Variants in MTAP observed in about 807,000 individuals in gnomAD.
MTAP encodes the protein methylthioadenosine phosphorylase.
MTAP carries 33 observed loss-of-function variants against 33.6 expected under a neutral mutation model. The ratio of observed to expected loss-of-function variants is 0.98; its 90% CI spans 0.74 to 1.31. The LOEUF (loss-of-function observed/expected upper bound fraction) is 1.31. Ranked by LOEUF, MTAP falls within the 40% of genes most tolerant of loss-of-function variation. The probability of loss-of-function intolerance (pLI) is 0.00; values close to 1 mark genes in which losing one functional copy is unlikely to be tolerated. For missense variants in MTAP, 367 were observed against 360.0 expected, an observed-to-expected ratio of 1.02 and a Z score of -0.16; for synonymous variants, 148 against 125.7, an observed-to-expected ratio of 1.18 and a Z score of -1.19.
intron 1 of MTAP, among the ~76,000 whole-genome samples, chr9:21,814,715 T>C (rs1326699739): frequency 6.6e-6 from 1 of 152,242 alleles, no homozygotes; most frequent in African/African-American, 2.4e-5. Flanking sequence ...AAAAAACTTA[T>C]AACTACCTTT....
chr9:21,940,530 A>T (rs1464217945), downstream of MTAP, among the ~76,000 whole-genome samples: 2 of 152,178 alleles, frequency 1.3e-5, no homozygotes, highest in African/African-American at 4.8e-5. Context: ...CCTGAATTCT[A>T]ATTTCCTCCA....
intron 1 of MTAP, among the ~76,000 whole-genome samples, chr9:21,909,458 A>G (rs1266977626): frequency 1.3e-5 from 2 of 152,176 alleles, no homozygotes; most frequent in Non-Finnish European, 2.9e-5. Context: ...GCTGTTCAGT[A>G]TAGAGCTTGG....
At chr9:21,882,691 A>G (rs571327185) in intron 1 of MTAP, among the ~76,000 whole-genome samples, 2 of 152,208 alleles carry the variant, frequency 1.3e-5, no homozygotes, top group South Asian at 2.1e-4. Context: ...CATTCTTTCA[A>G]GAACACATGG....
chr9:21,930,709 G>T, intron 1 of MTAP: 1 of 613,774 alleles, frequency 1.6e-6, no homozygotes. Flanking sequence ...AACTGTCAAG[G>T]ACTAGATATG....
In MTAP at chr9:21,865,677, T is replaced by C. The variant is rs1018488176; in HGVS notation, c.*3663T>C. 13 of 1,014,140 alleles carry C rather than the reference T, an allele frequency of 1.3e-5. No individual in the cohort carries two copies. Among genetic ancestry groups the C allele is most frequent in the South Asian group, 1.3e-4 (3 of 23,970 alleles). 62.8% of individuals were successfully genotyped at this position (1,014,140 alleles called of 1,614,324 possible). Reference sequence around the variant, plus strand: ...GATCGAGGAAATCTACCAAGACTAGTAGGGTAGTCCAGAAGAAGCTGTTTC... The same window carrying C: ...GATCGAGGAAATCTACCAAGACTAGCAGGGTAGTCCAGAAGAAGCTGTTTC... On this transcript the variant is annotated 3_prime_UTR_variant, in exon 8 of 8. Coordinates refer to ENST00000644715, the MANE Select transcript of MTAP (RefSeq NM_002451.4).
At chr9:21,867,943 G>C (rs1825879909), downstream of MTAP, among the ~76,000 whole-genome samples, 1 of 152,122 alleles carries the variant, frequency 6.6e-6, no homozygotes, top group Admixed American at 6.5e-5. Flanking sequence ...TTGTCAAAAA[G>C]AATAGATATC....
chr9:21,919,037 G>A (rs1818741628), intron 1 of MTAP, among the ~76,000 whole-genome samples: 1 of 152,078 alleles, frequency 6.6e-6, no homozygotes, highest in Admixed American at 6.5e-5. Flanking sequence ...CTATTGATAG[G>A]AAAAAGTGAG....
Position 21,864,926 on chromosome 9 carries a change from G to C in MTAP, c.*2912G>C, listed in dbSNP as rs775831366. 6.6e-5 allele frequency: 65 copies of C among 985,368 alleles called. No individual in the cohort carries two copies. The highest frequency in any genetic ancestry group is 7.5e-5 in the Non-Finnish European group (62 of 829,964). 61.0% of individuals were successfully genotyped at this position (985,368 alleles called of 1,614,324 possible). A position where few individuals can be genotyped will look rare whatever the true frequency, so the allele number is the denominator to read the frequency against. ...CAAATAATTATTCATTCTTGTGACA[G>C]TGGCCTGAACATGTTTTTAATTTTC... On this transcript the variant is annotated 3_prime_UTR_variant, in exon 8 of 8. Coordinates refer to ENST00000644715, the MANE Select transcript of MTAP (RefSeq NM_002451.4).
chr9:21,915,050 TCC>T (rs1563869483), intron 1 of MTAP, among the ~76,000 whole-genome samples: 1,238 of 103,806 alleles, frequency 0.012, 18 homozygotes, highest in Non-Finnish European at 0.016. Flanking sequence ...CTTCCTTCCT[TCC>T]TTCCTTTCTT....
At chr9:21,868,842 G>T (rs1825893997), downstream of MTAP, among the ~76,000 whole-genome samples, 1 of 152,146 alleles carries the variant, frequency 6.6e-6, no homozygotes, top group African/African-American at 2.4e-5. Context: ...ATCACCTGGA[G>T]GGCTTATTAA....
chr9:21,878,915 A>C (rs1202067231), intron 1 of MTAP, among the ~76,000 whole-genome samples: 5 of 152,176 alleles, frequency 3.3e-5, no homozygotes, highest in African/African-American at 1.2e-4. Flanking sequence ...CTATAGTCCT[A>C]GAGTATGTTT....
rs10965168 is a variant in MTAP at position 21,865,960 on chromosome 9, A to C, written c.*3946A>C. ...GAGGAATTTTATGAATAAAGCTGCT[A>C]TAAGCATGAAATTACAAGTCTTTTT... On this transcript the variant is annotated 3_prime_UTR_variant, in exon 8 of 8. Transcript: ENST00000644715. The C allele has an allele frequency of 0.21, 47,934 of 229,234 alleles. 5,511 individuals carry two copies. The highest frequency in any genetic ancestry group is 0.36 in the Admixed American group (5,478 of 15,362). 14.2% of individuals were successfully genotyped at this position (229,234 alleles called of 1,614,324 possible).
intron 1 of MTAP, chr9:21,930,919 G>A: frequency 1.5e-6 from 1 of 646,662 alleles, no homozygotes; most frequent in Non-Finnish European, 2.8e-6. Flanking sequence ...CCCTTTTTAG[G>A]CCCACATGTT....
At chr9:21,836,050 C>A (rs2118298337) in intron 4 of MTAP, among the ~76,000 whole-genome samples, 1 of 152,208 alleles carries the variant, frequency 6.6e-6, no homozygotes, top group South Asian at 2.1e-4. Context: ...TGTTGTGAGG[C>A]CCCATCTGGT....
intron 4 of MTAP, among the ~76,000 whole-genome samples, chr9:21,826,136 A>T (rs1229507322): frequency 6.6e-6 from 1 of 151,810 alleles, no homozygotes; most frequent in East Asian, 1.9e-4. Flanking sequence ...ACAAAAGAAT[A>T]ATAATCAGGG....
At chr9:21,873,603 CA>C (rs1306860483) in intron 1 of MTAP, among the ~76,000 whole-genome samples, 171 of 92,732 alleles carry the variant, frequency 1.8e-3, no homozygotes, top group African/African-American at 7.7e-3. Context: ...CTTGGACTTC[CA>C]CCCCCGCCCC....
At chr9:21,929,606 C>T in intron 1 of MTAP, 1 of 337,704 alleles carries the variant, frequency 3.0e-6, no homozygotes, top group Admixed American at 2.6e-5. Context: ...AGCTCTTCCT[C>T]TAAAACACCA....
chr9:21,842,660 A>C lies in MTAP; in HGVS notation c.450+4650A>C, dbSNP rs117256747. Among the ~76,000 whole-genome samples the C allele has an allele frequency of 2.6e-3, 390 of 152,346 alleles. 1 individual carries two copies. Among genetic ancestry groups the C allele is most frequent in the Non-Finnish European group, 3.2e-3 (215 of 68,026 alleles). On this transcript the variant is annotated intron_variant, in intron 5 of 7. Coordinates refer to ENST00000644715, the MANE Select transcript of MTAP (RefSeq NM_002451.4). ...CAAGAATTTTGTATCCAGTAAAACT[A>C]AGCTTCATAATTGAAGGAGAGATAG...
At chr9:21,824,589 C>A (rs1176705279) in intron 4 of MTAP, among the ~76,000 whole-genome samples, 1 of 152,212 alleles carries the variant, frequency 6.6e-6, no homozygotes, top group African/African-American at 2.4e-5. Flanking sequence ...TCTCAGATCT[C>A]AAACTCTGTG....
Sources: allele counts gnomAD v4.1 joint callset (sites outside exome capture counted in the v4.1 genomes callset), GRCh38; gene constraint gnomAD v4.1.1; transcripts MANE v1.5; gene names NCBI Gene and HGNC (gene_info 2026-07-23, HGNC 2026-07-21).